Variants in DNAJC2 observed in about 807,000 individuals in gnomAD.
DNAJC2 encodes DnaJ heat shock protein family (Hsp40) member C2.
A neutral mutation model predicts 94.0 loss-of-function variants in DNAJC2; 32 were observed. The ratio of observed to expected loss-of-function variants is 0.34; its 90% CI spans 0.26 to 0.46. DNAJC2 has a LOEUF of 0.46. Ranked by LOEUF, DNAJC2 falls within the 20% of genes least tolerant of loss-of-function variation. The pLI, the probability that DNAJC2 is intolerant of heterozygous loss-of-function variation, is 1.00. For synonymous variants in DNAJC2, 210 were observed against 229.7 expected (o/e 0.91, Z 0.77); for missense variants, 550 against 719.5 (o/e 0.76, Z 2.69).
At chr7:103,329,356 A>C (rs1465962260) in intron 3 of DNAJC2, 1 of 156,970 alleles carries the variant, frequency 6.4e-6, no homozygotes, top group East Asian at 1.9e-4. Context: ...CTTCCGGCCA[A>C]GTCGGCTCTA....
chr7:103,319,910 C>G (rs1818286830), intron 10 of DNAJC2, 66 bp from the exon 11 acceptor site: 2 of 1,541,908 alleles, frequency 1.3e-6, no homozygotes, highest in Non-Finnish European at 1.8e-6. Context: ...AATTACAAAG[C>G]TGTAATCCCA....
At chr7:103,322,318 AT>A (rs1818465639) in intron 9 of DNAJC2, among the ~76,000 whole-genome samples, 192 bp downstream of exon 9, 1 of 152,120 alleles carries the variant, frequency 6.6e-6, no homozygotes, top group Admixed American at 6.5e-5. Context: ...TTATGACACA[AT>A]TTTTTGCTCA....
chr7:103,318,987 G>A (rs978167182), intron 12 of DNAJC2, among the ~76,000 whole-genome samples: 5 of 152,090 alleles, frequency 3.3e-5, no homozygotes, highest in South Asian at 4.2e-4. Flanking sequence ...CAATGCGGAC[G>A]GATCACTTGA....
chr7:103,323,636 A>G lies in DNAJC2; in HGVS notation c.681T>C (p.Phe227=). 1 of 1,459,036 alleles carries G rather than the reference A, an allele frequency of 6.9e-7. No individual in the cohort carries two copies. Among genetic ancestry groups the G allele is most frequent in the Non-Finnish European group, 9.4e-7 (1 of 1,069,304 alleles). 90.4% of individuals were successfully genotyped at this position (1,459,036 alleles called of 1,614,324 possible). A position where few individuals can be genotyped will look rare whatever the true frequency, so the allele number is the denominator to read the frequency against. ...FWYNFDSWRE[F]SYLDEEEKEK... is the part of the protein sequence containing the mutation. ...CTTTTTCTTCTTCATCTAAATAAGAAAATTCTCTCCAAGAATCAAAATTAT... is the reference window on the plus strand; with the variant it reads ...CTTTTTCTTCTTCATCTAAATAAGAGAATTCTCTCCAAGAATCAAAATTAT... Residue 227 remains phenylalanine (F), a synonymous_variant, in exon 7 of 17, where the codon TTT becomes TTC. Transcript: ENST00000379263.
At chr7:103,315,921 C>A in intron 14 of DNAJC2, 50 bp from the exon 15 acceptor site, 1 of 1,529,382 alleles carries the variant, frequency 6.5e-7, no homozygotes, top group Non-Finnish European at 9.0e-7. Context: ...TTTAATCTTT[C>A]ATTAAATTGC....
At chr7:103,323,094 T>C (rs1299960613) in intron 7 of DNAJC2, among the ~76,000 whole-genome samples, 1 of 152,176 alleles carries the variant, frequency 6.6e-6, no homozygotes, top group Non-Finnish European at 1.5e-5. Context: ...CATGCCTGGC[T>C]ACTTTTTCTA....
intron 6 of DNAJC2, among the ~76,000 whole-genome samples, chr7:103,324,067 T>C (rs1818570427): frequency 6.6e-6 from 1 of 152,240 alleles, no homozygotes; most frequent in Admixed American, 6.5e-5. Flanking sequence ...TTCTATGTGA[T>C]TTTATGTTTT....
intron 3 of DNAJC2, 50 bp from the exon 4 acceptor site, chr7:103,327,804 T>C (rs757489485): frequency 9.9e-6 from 12 of 1,213,260 alleles, no homozygotes; most frequent in Non-Finnish European, 1.3e-5. Flanking sequence ...GCACCAAAAA[T>C]AAAGATGAGC....
intron 12 of DNAJC2, among the ~76,000 whole-genome samples, chr7:103,318,291 G>C (rs536680449): frequency 1.3e-5 from 2 of 152,204 alleles, no homozygotes; most frequent in South Asian, 4.1e-4. Flanking sequence ...TCAGCCTCCT[G>C]AGAAGTTGGG....
intron 15 of DNAJC2, 40 bp downstream of exon 15, chr7:103,315,723 AC>A (rs1449421974): frequency 1.5e-6 from 2 of 1,355,796 alleles, no homozygotes; most frequent in South Asian, 2.3e-5. Context: ...CAGCACAGAT[AC>A]ATGGCTAGCA....
rs554488148 is a variant in DNAJC2 at position 103,323,965 on chromosome 7, G to A, written c.654-302C>T. On this transcript the variant is annotated intron_variant, in intron 6 of 16. Transcript: ENST00000379263. ...ATTTCGCTAGTCTGTCAAGTCTGAAGGTAACCCTAGTAGTGGTTATCTCAT... is the reference window on the plus strand; with the variant it reads ...ATTTCGCTAGTCTGTCAAGTCTGAAAGTAACCCTAGTAGTGGTTATCTCAT... Among the ~76,000 whole-genome samples the A allele has an allele frequency of 2.6e-5, 4 of 152,288 alleles. No homozygotes were observed. The East Asian group carries it at 5.8e-4, about 22-fold the overall frequency.
At chr7:103,329,223 T>A in intron 3 of DNAJC2, 1 of 239,388 alleles carries the variant, frequency 4.2e-6, no homozygotes, top group South Asian at 4.5e-5. Context: ...CCAGGCCTGT[T>A]TACCAGTTAA....
At chr7:103,314,905 C>A (rs1817961627) in intron 15 of DNAJC2, among the ~76,000 whole-genome samples, 1 of 152,142 alleles carries the variant, frequency 6.6e-6, no homozygotes, top group Non-Finnish European at 1.5e-5. Context: ...TGGTGGCTCA[C>A]AAAACATGAA....
At chr7:103,335,528 T>A (rs1244958671) in intron 3 of DNAJC2, 1 of 151,842 alleles carries the variant, frequency 6.6e-6, no homozygotes, top group Non-Finnish European at 1.5e-5. Flanking sequence ...TTTCTTTTCT[T>A]TCTTTCTTTC....
rs756662289 is a variant in DNAJC2 at position 103,319,810 on chromosome 7, C to T, written c.1118G>A (p.Arg373Gln). The change falls in exon 11 of 17, where the codon CGG becomes CAG. Residue 373 changes from arginine to glutamine, a missense_variant. This residue lies in a region of DNAJC2 where 271 missense variants were observed against 302.6 expected (regional missense o/e 0.90). Transcript: ENST00000379263. ...WNHFSDNEAE[R>Q]VKMMEEVEKL... Reference sequence around the variant, plus strand: ...TTCCACTTCTTCCATCATTTTAACCCGCTCTGCCTCATTATCAGAAAAATG... The same window carrying T: ...TTCCACTTCTTCCATCATTTTAACCTGCTCTGCCTCATTATCAGAAAAATG... The T allele has an allele frequency of 1.6e-5, 26 of 1,614,038 alleles. No individual in the cohort carries two copies. Among genetic ancestry groups the T allele is most frequent in the Admixed American group, 5.0e-5 (3 of 59,994 alleles).
At chr7:103,333,137 G>C (rs1167817145) in intron 3 of DNAJC2, among the ~76,000 whole-genome samples, 1 of 151,612 alleles carries the variant, frequency 6.6e-6, no homozygotes, top group Non-Finnish European at 1.5e-5. Flanking sequence ...TTGGACTTTG[G>C]AGTTTTGGAT....
intron 3 of DNAJC2, among the ~76,000 whole-genome samples, chr7:103,332,884 A>G (rs1819028836): frequency 6.6e-6 from 1 of 152,180 alleles, no homozygotes; most frequent in Admixed American, 6.5e-5. Flanking sequence ...TCAGCCTTCT[A>G]AAGTGCTGGG....
At chr7:103,340,803 C>G (rs1489398450) in intron 2 of DNAJC2, among the ~76,000 whole-genome samples, 5 of 152,212 alleles carry the variant, frequency 3.3e-5, no homozygotes, top group Non-Finnish European at 7.3e-5. Flanking sequence ...TTCAAAAAGT[C>G]TTTGGCTGTA....
At chr7:103,323,909 A>C (rs958910001) in intron 6 of DNAJC2, among the ~76,000 whole-genome samples, 1 of 152,210 alleles carries the variant, frequency 6.6e-6, no homozygotes, top group South Asian at 2.1e-4. Context: ...TCGCTTGACC[A>C]AGACCTATTT....
Sources: gnomAD v4.1 joint callset for allele counts (sites outside exome capture counted in the v4.1 genomes callset) on GRCh38, gnomAD v4.1.1 for gene constraint, gnomAD v4.1.1 regional missense constraint, MANE v1.5 for transcripts, NCBI Gene and HGNC (gene_info 2026-07-23, HGNC 2026-07-21) for gene names.